Variants in FAM24B observed in about 807,000 individuals in gnomAD.
FAM24B encodes the protein family with sequence similarity 24 member B, also known as protein FAM24B.
In FAM24B, 3 loss-of-function variants were observed where a neutral mutation model predicts 2.3. That is an observed-to-expected ratio of 1.29 (90% CI 0.59 to 3.32). FAM24B has a LOEUF of 3.32. Ranked by LOEUF, FAM24B falls within the 30% of genes most tolerant of loss-of-function variation. The pLI is 0.03. For synonymous variants in FAM24B, 36 were observed against 46.3 expected, an observed-to-expected ratio of 0.78 and a Z score of 0.90; for missense variants, 98 against 117.2, an observed-to-expected ratio of 0.84 and a Z score of 0.76.
intron 1 of FAM24B, among the ~76,000 whole-genome samples, chr10:122,863,042 C>G (rs1285569569): frequency 6.6e-6 from 1 of 152,054 alleles, no homozygotes; most frequent in African/African-American, 2.4e-5. Context: ...AGAACCATTC[C>G]TGAACAGTGG....
rs1475037253 is a variant in FAM24B at position 122,850,434 on chromosome 10, T to C, written c.82A>G (p.Asn28Asp). 6.2e-7 allele frequency: 1 copy of C among 1,613,614 alleles called. No homozygotes were observed. Among genetic ancestry groups the C allele is most frequent in the Admixed American group, 1.7e-5 (1 of 59,998 alleles). Residue 28 changes from asparagine to aspartate, a missense_variant, in exon 3 of 4, where the codon AAC becomes GAC. Asn to Asp is a conservative substitution (Grantham distance 23). Transcript: ENST00000368898. ...VVLCLYFKIH[N>D]ALKAAKEPEA... ...GAACTTGTGACTCACTTTAGCGCGT[T>C]GTGTATTTTGAAGTAAAGACAGAGC...
intron 1 of FAM24B, among the ~76,000 whole-genome samples, chr10:122,858,585 C>T (rs1176898802): frequency 6.6e-6 from 1 of 152,050 alleles, no homozygotes; most frequent in Non-Finnish European, 1.5e-5. Flanking sequence ...TGTGCCCCTG[C>T]GCATCCCTCC....
intron 1 of FAM24B, among the ~76,000 whole-genome samples, chr10:122,866,091 G>A (rs1161804060): frequency 6.6e-6 from 1 of 151,702 alleles, no homozygotes; most frequent in Non-Finnish European, 1.5e-5. Context: ...TAGTAGAGAT[G>A]GGGTTTCACC....
intron 2 of FAM24B, among the ~76,000 whole-genome samples, chr10:122,852,293 C>A (rs1485305885): frequency 6.6e-6 from 1 of 152,178 alleles, no homozygotes; most frequent in Non-Finnish European, 1.5e-5. Context: ...GGAGCAGAAG[C>A]CATTGCCAGA....
intron 1 of FAM24B, among the ~76,000 whole-genome samples, chr10:122,871,985 G>A (rs184280592): frequency 0.011 from 1,713 of 152,118 alleles, 30 homozygotes; most frequent in African/African-American, 0.038. Context: ...AGAAACCACC[G>A]TCAGAGTGAA....
chr10:122,851,154 A>C (rs188699673), intron 2 of FAM24B, among the ~76,000 whole-genome samples: 4 of 152,374 alleles, frequency 2.6e-5, no homozygotes, highest in Admixed American at 6.5e-5. Flanking sequence ...ATAATAAATT[A>C]GTTTAACTTT....
chr10:122,850,714 G>A (rs1217872123), intron 2 of FAM24B, 164 bp from the exon 3 acceptor site: 2 of 509,638 alleles, frequency 3.9e-6, no homozygotes, highest in Non-Finnish European at 7.0e-6. Context: ...TCCCAAGCTG[G>A]CCCAGAGATG....
rs747766088 is a variant in FAM24B at position 122,849,359 on chromosome 10, T to C, written c.173A>G (p.Lys58Arg). Residue 58 changes from lysine to arginine, a missense_variant, in exon 4 of 4, where the codon AAA (lysine) becomes AGA (arginine). Physicochemically the swap from Lys to Arg is conservative, Grantham distance 26. Transcript: ENST00000368898. The part of the protein sequence containing the change: ...KVWWAKNSQA[K>R]TIATESCPAL... Reference sequence around the variant, plus strand: ...AGGACAAGACTCCGTGGCAATGGTTTTGGCCTGGCTGTTCTTGGCCCACCA... The same window carrying C: ...AGGACAAGACTCCGTGGCAATGGTTCTGGCCTGGCTGTTCTTGGCCCACCA... 1.5e-5 allele frequency: 25 copies of C among 1,613,446 alleles called. No individual in the cohort carries two copies. Among genetic ancestry groups the C allele is most frequent in the Non-Finnish European group, 2.0e-5 (24 of 1,179,744 alleles).
At position 122,849,143 on chromosome 10, in the gene FAM24B, A is replaced by G; in HGVS notation, c.*104T>C. ...TCAAAAGTATATAAAACAACACTGT[A>G]AATTATATAATCTCACATAAAAACA... On this transcript the variant is annotated 3_prime_UTR_variant, in exon 4 of 4. Coordinates refer to ENST00000368898, the MANE Select transcript of FAM24B (RefSeq NM_152644.3). 1.2e-6 allele frequency: 1 copy of G among 830,590 alleles called. No individual in the cohort carries two copies. Among genetic ancestry groups the G allele is most frequent in the Middle Eastern group, 3.1e-4 (1 of 3,184 alleles). 51.5% of individuals were successfully genotyped at this position (830,590 alleles called of 1,614,324 possible). A position where few individuals can be genotyped will look rare whatever the true frequency, so the allele number is the denominator to read the frequency against.
intron 1 of FAM24B, among the ~76,000 whole-genome samples, chr10:122,870,500 C>T (rs976359416): frequency 6.6e-5 from 10 of 152,152 alleles, no homozygotes; most frequent in African/African-American, 2.4e-4. Flanking sequence ...GAATTTTAGA[C>T]CAATATCCTT....
intron 1 of FAM24B, among the ~76,000 whole-genome samples, chr10:122,864,164 C>G (rs956129853): frequency 6.6e-6 from 1 of 152,166 alleles, no homozygotes; most frequent in African/African-American, 2.4e-5. Context: ...AAAAATTTAG[C>G]ATTACAGTAA....
At chr10:122,871,234 G>T (rs998052814) in intron 1 of FAM24B, among the ~76,000 whole-genome samples, 6 of 151,924 alleles carry the variant, frequency 3.9e-5, no homozygotes, top group African/African-American at 9.7e-5. Flanking sequence ...TACAAGGGAT[G>T]TGAAGGACCT....
chr10:122,852,911 TC>T (rs1847567412), intron 2 of FAM24B, among the ~76,000 whole-genome samples: 1 of 152,198 alleles, frequency 6.6e-6, no homozygotes, highest in Non-Finnish European at 1.5e-5. Flanking sequence ...GTTGCCCATT[TC>T]CTGGTCTTTT....
At chr10:122,850,343 G>C in intron 3 of FAM24B, 81 bp downstream of exon 3, 1 of 1,137,150 alleles carries the variant, frequency 8.8e-7, no homozygotes, top group Non-Finnish European at 1.3e-6. Flanking sequence ...GGAAGCCCAG[G>C]TATCCCACTG....
At chr10:122,853,966 TC>T (rs1007098335) in intron 2 of FAM24B, among the ~76,000 whole-genome samples, 42 of 152,166 alleles carry the variant, frequency 2.8e-4, no homozygotes, top group African/African-American at 9.4e-4. Flanking sequence ...GTTTGCTTTT[TC>T]AAGGTGTCTG....
intron 1 of FAM24B, among the ~76,000 whole-genome samples, chr10:122,873,473 C>T (rs1847930832): frequency 6.6e-6 from 1 of 152,256 alleles, no homozygotes; most frequent in Admixed American, 6.5e-5. Context: ...CTAACTGATG[C>T]TTGGCCAGGG....
At chr10:122,862,870 G>A (rs1219905686) in intron 1 of FAM24B, among the ~76,000 whole-genome samples, 1 of 152,076 alleles carries the variant, frequency 6.6e-6, no homozygotes, top group Admixed American at 6.5e-5. Flanking sequence ...AAATGACTGT[G>A]TAAGAATCAC....
At chr10:122,866,580 G>A (rs759250717) in intron 1 of FAM24B, among the ~76,000 whole-genome samples, 2 of 151,810 alleles carry the variant, frequency 1.3e-5, no homozygotes, top group African/African-American at 2.4e-5. Flanking sequence ...TCACATTTTG[G>A]TAATTCTTAC....
chr10:122,851,909 C>T (rs1297972444), intron 2 of FAM24B, among the ~76,000 whole-genome samples: 1 of 151,968 alleles, frequency 6.6e-6, no homozygotes, highest in Non-Finnish European at 1.5e-5. Context: ...TAAAAATTAT[C>T]AAAATAACCA....
Sources: gnomAD v4.1 joint callset for allele counts (sites outside exome capture counted in the v4.1 genomes callset) on GRCh38, gnomAD v4.1.1 for gene constraint, MANE v1.5 for transcripts, NCBI Gene and HGNC (gene_info 2026-07-23, HGNC 2026-07-21) for gene names.